Variants in KLF15 observed in about 807,000 individuals in gnomAD.
The protein encoded by KLF15 is Krueppel-like factor 15.
A neutral mutation model predicts 24.6 loss-of-function variants in KLF15; 4 were observed. The ratio of observed to expected loss-of-function variants is 0.16; its 90% CI spans 0.08 to 0.37. The LOEUF (loss-of-function observed/expected upper bound fraction) is 0.37. Ranked by LOEUF, KLF15 falls within the 10% of genes least tolerant of loss-of-function variation. The pLI, the probability that KLF15 is intolerant of heterozygous loss-of-function variation, is 1.00. For synonymous variants in KLF15, 246 were observed against 236.3 expected, an observed-to-expected ratio of 1.04 and a Z score of -0.37; for missense variants, 496 against 560.6, an observed-to-expected ratio of 0.88 and a Z score of 1.16.
At chr3:126,319,118 T>C in the KLF15 span, among the ~76,000 whole-genome samples, 1 of 152,372 alleles carries the variant, frequency 6.6e-6, no homozygotes, top group East Asian at 1.9e-4. Flanking sequence ...CTTTTTATGC[T>C]TGATAGCTCA....
the KLF15 span, among the ~76,000 whole-genome samples, chr3:126,323,540 AT>A: frequency 7.1e-6 from 1 of 141,010 alleles, no homozygotes; most frequent in Non-Finnish European, 1.5e-5. Flanking sequence ...ATGTATGTTA[AT>A]TTTACTTTAA....
At chr3:126,322,302 G>A in the KLF15 span, among the ~76,000 whole-genome samples, 1 of 152,146 alleles carries the variant, frequency 6.6e-6, no homozygotes, top group Non-Finnish European at 1.5e-5. Context: ...GGTGCCATCG[G>A]TGGCGCTGGT....
the KLF15 span, among the ~76,000 whole-genome samples, chr3:126,307,666 G>A: frequency 6.6e-5 from 10 of 152,144 alleles, no homozygotes; most frequent in African/African-American, 2.4e-4. Flanking sequence ...TAAAGACCGG[G>A]ATATTTCACA....
At chr3:126,323,506 A>T in the KLF15 span, among the ~76,000 whole-genome samples, 1 of 91,384 alleles carries the variant, frequency 1.1e-5, no homozygotes. Flanking sequence ...ATATATAACT[A>T]CTATATAACA....
chr3:126,351,479 G>A lies in KLF15; in HGVS notation c.1082+362C>T, dbSNP rs148724208. ...GGAGTGATGGTGGTACTTACCCTGT[G>A]GGGCTGTGGGCCCAAAGGGAGCCGC... On this transcript the variant is annotated intron_variant, in intron 2 of 2. Transcript: ENST00000296233. 5.0e-3 allele frequency among the ~76,000 whole-genome samples: 762 copies of A among 152,304 alleles called. 10 individuals are homozygous for A. The highest frequency in any genetic ancestry group is 0.017 in the African/African-American group (692 of 41,570).
chr3:126,319,444 G>T, the KLF15 span, among the ~76,000 whole-genome samples: 3 of 152,236 alleles, frequency 2.0e-5, no homozygotes, highest in Admixed American at 2.0e-4. Context: ...GCCAGCATTT[G>T]ATATTGTCAG....
chr3:126,308,816 G>A, the KLF15 span, among the ~76,000 whole-genome samples: 3 of 152,204 alleles, frequency 2.0e-5, no homozygotes, highest in Non-Finnish European at 4.4e-5. Context: ...TCATTCACAT[G>A]CTGAGAAGTG....
chr3:126,352,653 C>T lies in KLF15; in HGVS notation c.270G>A (p.Gly90=). The change falls in exon 2 of 3, where the codon GGG becomes GGA. Residue 90 remains glycine (G), a synonymous_variant. Coordinates refer to ENST00000296233, the MANE Select transcript of KLF15 (RefSeq NM_014079.4). Reference sequence around the variant, plus strand: ...TGGCCCCAATGCTACTGCCGCTGCCCCCGCCACTGCCCAGCGTGGCCTGGG... The same window carrying T: ...TGGCCCCAATGCTACTGCCGCTGCCTCCGCCACTGCCCAGCGTGGCCTGGG... ...LLSQATLGSG[G]GSGSSIGASS... 1 of 1,598,228 alleles carries T rather than the reference C, an allele frequency of 6.3e-7. No individual in the cohort carries two copies. Among genetic ancestry groups the T allele is most frequent in the Non-Finnish European group, 8.5e-7 (1 of 1,172,862 alleles).
chr3:126,305,224 T>C, the KLF15 span, among the ~76,000 whole-genome samples: 1 of 152,226 alleles, frequency 6.6e-6, no homozygotes, highest in Non-Finnish European at 1.5e-5. Flanking sequence ...CTATAAGAAA[T>C]AAACTTATAT....
At chr3:126,301,912 G>A in the KLF15 span, among the ~76,000 whole-genome samples, 2 of 151,066 alleles carry the variant, frequency 1.3e-5, no homozygotes, top group African/African-American at 4.9e-5. Context: ...ACCGTGCCCA[G>A]ACCTGCTTTA....
chr3:126,316,094 A>G, the KLF15 span, among the ~76,000 whole-genome samples: 1 of 152,228 alleles, frequency 6.6e-6, no homozygotes. Flanking sequence ...AATTCAAACA[A>G]ATAATTGCGG....
At chr3:126,341,928 G>A (rs896036025), downstream of KLF15, among the ~76,000 whole-genome samples, 5 of 152,184 alleles carry the variant, frequency 3.3e-5, no homozygotes, top group African/African-American at 1.2e-4. Flanking sequence ...GCAGGCCCTG[G>A]TCAGCCTCCA....
rs1356612516 is a variant in KLF15 at position 126,343,482 on chromosome 3, G to A, written c.*245C>T. The A allele has an allele frequency of 6.3e-6, 3 of 478,596 alleles. No individual in the cohort carries two copies. The highest frequency in any genetic ancestry group is 1.1e-5 in the Non-Finnish European group (3 of 273,602). 29.6% of individuals were successfully genotyped at this position (478,596 alleles called of 1,614,324 possible). On this transcript the variant is annotated 3_prime_UTR_variant, in exon 3 of 3. Coordinates refer to ENST00000296233, the MANE Select transcript of KLF15 (RefSeq NM_014079.4). Reference sequence around the variant, plus strand: ...CGCGGGAAGGCACGAAGGCACGAAGGCACGAAGGCCTGCCTCCAGCCCCGT... The same window carrying A: ...CGCGGGAAGGCACGAAGGCACGAAGACACGAAGGCCTGCCTCCAGCCCCGT...
chr3:126,309,810 C>T, the KLF15 span, among the ~76,000 whole-genome samples: 5 of 152,226 alleles, frequency 3.3e-5, no homozygotes, highest in East Asian at 7.7e-4. Flanking sequence ...AGCACCAGAA[C>T]GTCAGGAAGT....
At chr3:126,305,627 T>G in the KLF15 span, among the ~76,000 whole-genome samples, 1 of 51,328 alleles carries the variant, frequency 1.9e-5, no homozygotes, top group Non-Finnish European at 4.5e-5. Flanking sequence ...CTGGTCACAC[T>G]TACTGCAAGG....
the KLF15 span, among the ~76,000 whole-genome samples, chr3:126,305,912 T>C: frequency 6.6e-6 from 1 of 152,174 alleles, no homozygotes; most frequent in Non-Finnish European, 1.5e-5. Context: ...GTGCAGGAGA[T>C]TTACTGAATG....
chr3:126,343,314 C>T lies in KLF15; in HGVS notation c.*413G>A, dbSNP rs1164446672. ...CCTCCAGCATGACTCTCTCTGGAAA[C>T]CCAACATTTCAAAACTGCACATTTC... On this transcript the variant is annotated 3_prime_UTR_variant, in exon 3 of 3. Coordinates refer to ENST00000296233, the MANE Select transcript of KLF15 (RefSeq NM_014079.4). 3 of 200,382 alleles carry T rather than the reference C, an allele frequency of 1.5e-5. No homozygotes were observed. The highest frequency in any genetic ancestry group is 3.5e-4 in the East Asian group (2 of 5,682). 12.4% of individuals were successfully genotyped at this position (200,382 alleles called of 1,614,324 possible). A position where few individuals can be genotyped will look rare whatever the true frequency, so the allele number is the denominator to read the frequency against.
the KLF15 span, among the ~76,000 whole-genome samples, chr3:126,295,102 A>G: frequency 1.8e-4 from 28 of 152,372 alleles, no homozygotes; most frequent in East Asian, 9.6e-4. Context: ...ATGAGCATGC[A>G]CACACATATG....
the KLF15 span, among the ~76,000 whole-genome samples, chr3:126,305,773 G>A: frequency 1.3e-5 from 2 of 152,222 alleles, no homozygotes; most frequent in African/African-American, 4.8e-5. Flanking sequence ...CCATCTTAAA[G>A]GTGAAAGATT....
Sources: allele counts gnomAD v4.1 joint callset (sites outside exome capture counted in the v4.1 genomes callset), GRCh38; gene constraint gnomAD v4.1.1; transcripts MANE v1.5; gene names NCBI Gene and HGNC (gene_info 2026-07-23, HGNC 2026-07-21).